ZSWIM5: variants seen among roughly 807,000 people sequenced by gnomAD.
ZSWIM5 encodes the protein zinc finger SWIM-type containing 5, also known as zinc finger SWIM domain-containing protein 5.
A neutral mutation model predicts 119.6 loss-of-function variants in ZSWIM5; 55 were observed. That is an observed-to-expected ratio of 0.46 (90% CI 0.37 to 0.58). The LOEUF (loss-of-function observed/expected upper bound fraction) is 0.58. Among genes scored for constraint, ZSWIM5 ranks in the 20% least tolerant of loss-of-function variants. ZSWIM5 has a pLI of 0.00. For synonymous variants in ZSWIM5, 537 were observed against 606.9 expected (o/e 0.88, Z 1.69); for missense variants, 1,193 against 1,512.8 (o/e 0.79, Z 3.51).
intron 5 of ZSWIM5, among the ~76,000 whole-genome samples, chr1:45,045,681 TG>T (rs1218699635): frequency 1.3e-5 from 2 of 152,154 alleles, no homozygotes; most frequent in African/African-American, 4.8e-5. Context: ...CAGTGGGTAC[TG>T]GGCTCCCAAT....
chr1:45,154,518 G>A (rs1057119450), intron 1 of ZSWIM5, among the ~76,000 whole-genome samples: 1 of 152,160 alleles, frequency 6.6e-6, no homozygotes, highest in Admixed American at 6.6e-5. Flanking sequence ...AACAAATGGT[G>A]CTGGGATAAT....
intron 1 of ZSWIM5, among the ~76,000 whole-genome samples, chr1:45,172,186 G>A (rs550804194): frequency 6.6e-6 from 1 of 152,002 alleles, no homozygotes; most frequent in Admixed American, 6.6e-5. Context: ...ACTCACGGTT[G>A]CGAAACTAAA....
intron 1 of ZSWIM5, among the ~76,000 whole-genome samples, chr1:45,166,124 C>T (rs1161725129): frequency 6.6e-6 from 1 of 152,158 alleles, no homozygotes; most frequent in Non-Finnish European, 1.5e-5. Context: ...CCGCCATGAT[C>T]AAGTGGGCTT....
At chr1:45,190,840 C>T (rs1376886544) in intron 1 of ZSWIM5, among the ~76,000 whole-genome samples, 1 of 149,614 alleles carries the variant, frequency 6.7e-6, no homozygotes, top group Non-Finnish European at 1.5e-5. Flanking sequence ...GCAATGCAGG[C>T]CTGATAAAAG....
intron 6 of ZSWIM5, 29 bp from the exon 7 acceptor site, chr1:45,040,567 C>T (rs748444589): frequency 5.1e-6 from 8 of 1,554,848 alleles, no homozygotes; most frequent in Non-Finnish European, 6.9e-6. Flanking sequence ...ATATTTTGGT[C>T]TAGTTAAAAT....
At chr1:45,172,349 T>C (rs1471699312) in intron 1 of ZSWIM5, among the ~76,000 whole-genome samples, 1 of 152,038 alleles carries the variant, frequency 6.6e-6, no homozygotes, top group Non-Finnish European at 1.5e-5. Flanking sequence ...AGCAAATATA[T>C]TGGTTAAAGG....
At chr1:45,124,280 G>A (rs1645608297) in intron 1 of ZSWIM5, among the ~76,000 whole-genome samples, 1 of 152,094 alleles carries the variant, frequency 6.6e-6, no homozygotes, top group Non-Finnish European at 1.5e-5. Flanking sequence ...TGTCTGATCT[G>A]CTTCTAAATG....
chr1:45,050,986 A>G, intron 5 of ZSWIM5, 88 bp downstream of exon 5: 1 of 1,309,616 alleles, frequency 7.6e-7, no homozygotes, highest in South Asian at 1.6e-5. Flanking sequence ...GACAGCTAAA[A>G]GGCTATCCAG....
chr1:45,061,024 C>T (rs1441010250), intron 2 of ZSWIM5, among the ~76,000 whole-genome samples: 1 of 152,118 alleles, frequency 6.6e-6, no homozygotes, highest in Non-Finnish European at 1.5e-5. Flanking sequence ...GAGTTTCATA[C>T]AGGGTGATAT....
chr1:45,165,057 T>C (rs1645892430), intron 1 of ZSWIM5, among the ~76,000 whole-genome samples: 1 of 152,086 alleles, frequency 6.6e-6, no homozygotes, highest in Admixed American at 6.6e-5. Flanking sequence ...ATTGACCACA[T>C]AGTTGGAAGT....
intron 1 of ZSWIM5, among the ~76,000 whole-genome samples, chr1:45,204,959 G>A (rs902921865): frequency 1.3e-5 from 2 of 152,052 alleles, no homozygotes; most frequent in Admixed American, 1.3e-4. Flanking sequence ...CTCCGGAGGA[G>A]TAAAGGAAGA....
At chr1:45,117,499 AC>A (rs1645565509) in intron 1 of ZSWIM5, among the ~76,000 whole-genome samples, 1 of 152,084 alleles carries the variant, frequency 6.6e-6, no homozygotes, top group African/African-American at 2.4e-5. Flanking sequence ...ACATAGTGAA[AC>A]CCTGTCTACT....
At chr1:45,132,151 ATATT>A in intron 1 of ZSWIM5, among the ~76,000 whole-genome samples, 1 of 151,406 alleles carries the variant, frequency 6.6e-6, no homozygotes, top group Non-Finnish European at 1.5e-5. Context: ...ATATCACTAT[ATATT>A]TATATATGTA....
intron 11 of ZSWIM5, among the ~76,000 whole-genome samples, chr1:45,021,304 T>C (rs1644886632): frequency 6.6e-6 from 1 of 152,198 alleles, no homozygotes. Flanking sequence ...TCAGGATCTT[T>C]AGGTACCAGA....
At chr1:45,134,036 A>C (rs1340571704) in intron 1 of ZSWIM5, among the ~76,000 whole-genome samples, 1 of 152,170 alleles carries the variant, frequency 6.6e-6, no homozygotes, top group Admixed American at 6.5e-5. Context: ...GTTTGAAGTC[A>C]GGTAGCATGA....
intron 1 of ZSWIM5, among the ~76,000 whole-genome samples, chr1:45,162,539 G>C (rs765901374): frequency 3.9e-5 from 6 of 152,248 alleles, no homozygotes; most frequent in Middle Eastern, 3.2e-3. Flanking sequence ...CACCCAGGAA[G>C]TGCAAGAGGT....
At chr1:45,042,463 A>T (rs545823245) in intron 6 of ZSWIM5, among the ~76,000 whole-genome samples, 2 of 152,220 alleles carry the variant, frequency 1.3e-5, no homozygotes, top group Non-Finnish European at 2.9e-5. Flanking sequence ...AGGTGGTGAC[A>T]CGGTGAGTCT....
chr1:45,046,150 A>G (rs796279418), intron 5 of ZSWIM5, among the ~76,000 whole-genome samples: 1 of 152,220 alleles, frequency 6.6e-6, no homozygotes, highest in African/African-American at 2.4e-5. Context: ...TGGGTTTTTG[A>G]GAAAGATGAG....
chr1:45,142,253 C>T (rs1401917545), intron 1 of ZSWIM5, among the ~76,000 whole-genome samples: 1 of 152,194 alleles, frequency 6.6e-6, no homozygotes, highest in East Asian at 1.9e-4. Context: ...GATAACTACA[C>T]ATACAAATTG....
Sources: gnomAD v4.1 joint callset for allele counts (sites outside exome capture counted in the v4.1 genomes callset) on GRCh38, gnomAD v4.1.1 for gene constraint, MANE v1.5 for transcripts, NCBI Gene and HGNC (gene_info 2026-07-23, HGNC 2026-07-21) for gene names.